Variants in RBFOX1 observed in about 807,000 individuals in gnomAD.
RBFOX1 encodes the protein RNA binding protein fox-1 homolog 1.
Under a neutral mutation model 57.7 loss-of-function variants are expected in RBFOX1, and 8 were observed. That is an observed-to-expected ratio of 0.14 (90% confidence interval 0.08 to 0.25). The LOEUF (loss-of-function observed/expected upper bound fraction) is 0.25. Ranked by LOEUF, RBFOX1 falls within the 10% of genes least tolerant of loss-of-function variation. The pLI, the probability that RBFOX1 is intolerant of heterozygous loss-of-function variation, is 1.00. For synonymous variants in RBFOX1, 326 were observed against 222.4 expected, an observed-to-expected ratio of 1.47 and a Z score of -4.15; for missense variants, 611 against 548.5, an observed-to-expected ratio of 1.11 and a Z score of -1.14.
At chr16:7,056,209 C>G (rs139606367) in intron 4 of RBFOX1, among the ~76,000 whole-genome samples, 2 of 152,304 alleles carry the variant, frequency 1.3e-5, no homozygotes, top group East Asian at 3.9e-4. Context: ...CAGCCAGTTA[C>G]TCCCAACAGT....
chr16:5,961,486 ACAAAAC>A (rs773291188), intron 4 of RBFOX1, among the ~76,000 whole-genome samples: 1 of 150,742 alleles, frequency 6.6e-6, no homozygotes, highest in Admixed American at 6.6e-5. Context: ...TTTAAAAAAA[ACAAAAC>A]AAAACAAAAC....
chr16:5,263,615 G>C (rs994483438), intron 1 of RBFOX1, among the ~76,000 whole-genome samples: 1 of 152,096 alleles, frequency 6.6e-6, no homozygotes, highest in African/African-American at 2.4e-5. Context: ...TCTCAAATGA[G>C]GTGCAAGTGG....
At chr16:7,362,958 T>G (rs927247227) in intron 4 of RBFOX1, among the ~76,000 whole-genome samples, 1 of 152,154 alleles carries the variant, frequency 6.6e-6, no homozygotes, top group East Asian at 1.9e-4. Flanking sequence ...TCACTTAGCC[T>G]CTCTGAGCTT....
Position 6,019,572 on chromosome 16 carries a change from ACG to A in RBFOX1, c.-539_-538del. 1 of 1,155,580 alleles carries A rather than the reference ACG, an allele frequency of 8.7e-7. No individual in the cohort carries two copies. 71.6% of individuals were successfully genotyped at this position (1,155,580 alleles called of 1,614,324 possible). On this transcript the variant is annotated 5_prime_UTR_variant, in exon 1 of 16. Coordinates refer to ENST00000550418, the MANE Select transcript of RBFOX1 (RefSeq NM_018723.4). The surrounding 1 kb of genome is among the most constrained non-coding windows in gnomAD (Gnocchi z 4.2). The stretch of plus-strand genomic sequence containing the variant: ...AGAGGCGGCGGCACTGGCTGGACCC[ACG>A]CGCGCGCCTCCGGGGCTGAAGAAGG...
At chr16:7,158,726 GTTTGGT>G (rs2077662602) in intron 4 of RBFOX1, among the ~76,000 whole-genome samples, 1 of 93,746 alleles carries the variant, frequency 1.1e-5, no homozygotes, top group Non-Finnish European at 2.6e-5. Flanking sequence ...GCATGCATCT[GTTTGGT>G]GTGTGTTGTT....
intron 1 of RBFOX1, among the ~76,000 whole-genome samples, chr16:6,297,031 T>A (rs2078196989): frequency 6.6e-6 from 1 of 152,222 alleles, no homozygotes; most frequent in African/African-American, 2.4e-5. Flanking sequence ...GGTGGGTTAT[T>A]CATGCCTCCC....
At chr16:6,539,519 C>T (rs916009593) in intron 2 of RBFOX1, among the ~76,000 whole-genome samples, 4 of 152,094 alleles carry the variant, frequency 2.6e-5, no homozygotes, top group African/African-American at 9.7e-5. Flanking sequence ...CACGTACAGT[C>T]AGGTGCAGTG....
At chr16:7,520,008 C>T (rs376306698) in intron 5 of RBFOX1, among the ~76,000 whole-genome samples, 108 of 152,194 alleles carry the variant, frequency 7.1e-4, no homozygotes, top group African/African-American at 2.4e-3. Flanking sequence ...GCCTCAGTCT[C>T]CCGAGTAGCT....
intron 2 of RBFOX1, among the ~76,000 whole-genome samples, chr16:6,491,697 TA>T (rs2095636343): frequency 6.6e-6 from 1 of 152,222 alleles, no homozygotes; most frequent in Admixed American, 6.5e-5. Flanking sequence ...GTGATTGTTA[TA>T]CCCAGGGTTC....
rs116137672 is a variant in RBFOX1 at position 5,907,033 on chromosome 16, G to A, written c.351+39698G>A. On this transcript the variant is annotated intron_variant, in intron 4 of 19. Transcript: ENST00000641259. ...ATTACAGGCATGAGCCACTGTGCCCGGCCCATCTGGGGGATTTTAAAACAG... is the reference window on the plus strand; with the variant it reads ...ATTACAGGCATGAGCCACTGTGCCCAGCCCATCTGGGGGATTTTAAAACAG... 7.9e-5 allele frequency among the ~76,000 whole-genome samples: 12 copies of A among 152,136 alleles called. 1 individual carries two copies. The East Asian group carries it at 1.2e-3, about 15-fold the overall frequency.
At chr16:6,119,840 C>G (rs2152628207) in intron 1 of RBFOX1, among the ~76,000 whole-genome samples, 1 of 152,262 alleles carries the variant, frequency 6.6e-6, no homozygotes, top group Non-Finnish European at 1.5e-5. Flanking sequence ...TGGAATTTAG[C>G]ACATTCGTAA....
chr16:6,567,864 C>T (rs1449636699), intron 2 of RBFOX1, among the ~76,000 whole-genome samples: 1 of 152,112 alleles, frequency 6.6e-6, no homozygotes, highest in African/African-American at 2.4e-5. Context: ...CTCTGTCACC[C>T]AGGCTGGAGT....
intron 5 of RBFOX1, among the ~76,000 whole-genome samples, chr16:7,567,773 CTCTA>C (rs999261043): frequency 9.5e-5 from 14 of 147,188 alleles, no homozygotes; most frequent in African/African-American, 3.0e-4. Flanking sequence ...ATATATCCCT[CTCTA>C]TATATATCCA....
intron 1 of RBFOX1, among the ~76,000 whole-genome samples, chr16:6,131,010 G>A (rs2096625667): frequency 6.6e-6 from 1 of 152,156 alleles, no homozygotes; most frequent in African/African-American, 2.4e-5. Flanking sequence ...TGATGTGGAT[G>A]AATCTCATAT....
chr16:5,381,736 C>CGCTTCATA (rs1348892612), intron 1 of RBFOX1, among the ~76,000 whole-genome samples: 1 of 152,210 alleles, frequency 6.6e-6, no homozygotes, highest in African/African-American at 2.4e-5. Flanking sequence ...TGATTAATGT[C>CGCTTCATA]GCTTCATAAT....
chr16:6,359,361 G>C (rs1484953020), intron 2 of RBFOX1, among the ~76,000 whole-genome samples: 1 of 152,116 alleles, frequency 6.6e-6, no homozygotes, highest in African/African-American at 2.4e-5. Context: ...CCAAAGTGCT[G>C]AGATTACAGA....
At chr16:6,852,046 C>A (rs549899644) in intron 3 of RBFOX1, among the ~76,000 whole-genome samples, 1 of 151,648 alleles carries the variant, frequency 6.6e-6, no homozygotes. Flanking sequence ...CTGACTCAGT[C>A]TCTTGAGTAG....
At chr16:5,721,525 C>A (rs890012611) in intron 3 of RBFOX1, among the ~76,000 whole-genome samples, 4 of 152,154 alleles carry the variant, frequency 2.6e-5, no homozygotes, top group Non-Finnish European at 4.4e-5. Flanking sequence ...GATGACAGTA[C>A]CCACCTTTGT....
intron 3 of RBFOX1, among the ~76,000 whole-genome samples, chr16:6,866,064 G>A (rs954363725): frequency 6.6e-6 from 1 of 152,054 alleles, no homozygotes; most frequent in African/African-American, 2.4e-5. Flanking sequence ...AATCAGGATT[G>A]AAATAGAAGC....
Sources: gnomAD v4.1 joint callset for allele counts (sites outside exome capture counted in the v4.1 genomes callset) on GRCh38, gnomAD v4.1.1 for gene constraint, Gnocchi (gnomAD v3.1) non-coding constraint, MANE v1.5 for transcripts, NCBI Gene and HGNC (gene_info 2026-07-23, HGNC 2026-07-21) for gene names.